Variants in RFC3 observed in about 807,000 individuals in gnomAD.
The protein encoded by RFC3 is replication factor C subunit 3.
RFC3 carries 41 observed loss-of-function variants against 45.1 expected under a neutral mutation model. That is an observed-to-expected ratio of 0.91 (90% CI 0.71 to 1.18). The LOEUF is 1.18. Ranked by LOEUF, RFC3 falls within the 50% of genes most tolerant of loss-of-function variation. The pLI is 0.00. For missense variants in RFC3, 423 were observed against 428.1 expected, an observed-to-expected ratio of 0.99 and a Z score of 0.10; for synonymous variants, 149 against 144.0, an observed-to-expected ratio of 1.03 and a Z score of -0.25.
chr13:33,949,087 C>T (rs1182592661), intron 8 of RFC3, among the ~76,000 whole-genome samples: 3 of 152,074 alleles, frequency 2.0e-5, no homozygotes, highest in South Asian at 2.1e-4. Context: ...CTCTGTGTCC[C>T]CATCCAAATC....
intron 8 of RFC3, among the ~76,000 whole-genome samples, chr13:33,936,835 G>A (rs1331279249): frequency 1.3e-5 from 2 of 152,130 alleles, no homozygotes; most frequent in East Asian, 1.9e-4. Flanking sequence ...ATGAATACAG[G>A]TGCTAGAGGA....
At chr13:33,868,720 A>C (rs971135688) in intron 8 of RFC3, among the ~76,000 whole-genome samples, 1 of 152,180 alleles carries the variant, frequency 6.6e-6, no homozygotes, top group East Asian at 1.9e-4. Context: ...CACTCTGTGG[A>C]GTGTACGGGA....
At chr13:33,972,975 A>C in the RFC3 span, among the ~76,000 whole-genome samples, 1 of 152,210 alleles carries the variant, frequency 6.6e-6, no homozygotes, top group Non-Finnish European at 1.5e-5. Flanking sequence ...GATACTAAGA[A>C]TAAATTTACT....
At chr13:33,854,228 A>T (rs111611564) in intron 8 of RFC3, among the ~76,000 whole-genome samples, 1 of 152,154 alleles carries the variant, frequency 6.6e-6, no homozygotes, top group African/African-American at 2.4e-5. Flanking sequence ...CTTCTCTCTT[A>T]CTATGGTAGA....
At chr13:33,977,136 G>A in the RFC3 span, among the ~76,000 whole-genome samples, 1 of 152,152 alleles carries the variant, frequency 6.6e-6, no homozygotes, top group Non-Finnish European at 1.5e-5. Context: ...AACAATGAAA[G>A]TCTGAGAAAC....
chr13:33,858,032 A>G (rs1330508011), intron 8 of RFC3, among the ~76,000 whole-genome samples: 2 of 152,204 alleles, frequency 1.3e-5, no homozygotes, highest in Non-Finnish European at 2.9e-5. Flanking sequence ...TGTTTTATCA[A>G]GATACTAACA....
In RFC3 at chr13:33,915,932, G is replaced by T. The variant is rs116353131; in HGVS notation, c.880-50155G>T. Among the ~76,000 whole-genome samples the T allele has an allele frequency of 2.1e-3, 320 of 152,134 alleles. 4 individuals are homozygous for T. The highest frequency in any genetic ancestry group is 6.3e-3 in the African/African-American group (262 of 41,520). On this transcript the variant is annotated intron_variant, in intron 8 of 8. Transcript: ENST00000434425. Reference sequence around the variant, plus strand: ...TCACGCCTCAGCCTCCCAAGTAGTTGGGACTATAGGCGCACTCCACCACAC... The same window carrying T: ...TCACGCCTCAGCCTCCCAAGTAGTTTGGACTATAGGCGCACTCCACCACAC...
chr13:33,838,076 C>T (rs1321760853), downstream of RFC3, among the ~76,000 whole-genome samples: 1 of 152,028 alleles, frequency 6.6e-6, no homozygotes, highest in Non-Finnish European at 1.5e-5. Context: ...ATTGAAATCT[C>T]CCTCCATAAT....
intron 8 of RFC3, among the ~76,000 whole-genome samples, chr13:33,965,158 C>T (rs1395781625): frequency 6.6e-6 from 1 of 152,142 alleles, no homozygotes; most frequent in Non-Finnish European, 1.5e-5. Context: ...TCAGGAAACT[C>T]AGAGAAGCAG....
intron 8 of RFC3, among the ~76,000 whole-genome samples, chr13:33,925,375 T>C (rs1008802192): frequency 8.2e-6 from 1 of 121,362 alleles, no homozygotes; most frequent in Non-Finnish European, 1.6e-5. Context: ...TATACATACA[T>C]ATAGTGTACT....
chr13:33,880,301 C>T (rs1317088089), intron 8 of RFC3, among the ~76,000 whole-genome samples: 1 of 152,058 alleles, frequency 6.6e-6, no homozygotes, highest in East Asian at 1.9e-4. Flanking sequence ...TGTAATTGTG[C>T]TGAAAAGTAA....
At chr13:33,955,418 T>A (rs1458521030) in intron 8 of RFC3, among the ~76,000 whole-genome samples, 1 of 152,198 alleles carries the variant, frequency 6.6e-6, no homozygotes, top group African/African-American at 2.4e-5. Context: ...AAAAATTTGC[T>A]ACAGTGCAAC....
chr13:33,821,346 C>T (rs941268701), intron 2 of RFC3, 77 bp downstream of exon 2: 23 of 1,376,914 alleles, frequency 1.7e-5, no homozygotes, highest in Non-Finnish European at 2.2e-5. Flanking sequence ...GTCCCCCCAA[C>T]TCAGTTGCTT....
intron 8 of RFC3, among the ~76,000 whole-genome samples, chr13:33,866,663 C>T (rs901809805): frequency 6.6e-6 from 1 of 152,134 alleles, no homozygotes; most frequent in Non-Finnish European, 1.5e-5. Flanking sequence ...CAAGGGGATA[C>T]TCTTTATATT....
intron 8 of RFC3, among the ~76,000 whole-genome samples, chr13:33,906,626 G>T (rs2082673555): frequency 1.3e-5 from 2 of 151,900 alleles, no homozygotes; most frequent in African/African-American, 4.8e-5. Flanking sequence ...TGGTTCACTT[G>T]TGATCTTTAT....
the RFC3 span, among the ~76,000 whole-genome samples, chr13:33,974,767 C>G: frequency 3.2e-4 from 49 of 152,226 alleles, no homozygotes; most frequent in African/African-American, 1.1e-3. Context: ...GCCAAATAAA[C>G]ATATAAAAAG....
chr13:33,862,480 A>G (rs2082347351), intron 8 of RFC3, among the ~76,000 whole-genome samples: 1 of 152,110 alleles, frequency 6.6e-6, no homozygotes, highest in Non-Finnish European at 1.5e-5. Flanking sequence ...AGACTTATTC[A>G]TCTATTTTCT....
chr13:33,894,224 A>G (rs2082582401), intron 8 of RFC3, among the ~76,000 whole-genome samples: 1 of 152,152 alleles, frequency 6.6e-6, no homozygotes, highest in Non-Finnish European at 1.5e-5. Flanking sequence ...ATAGACCTCC[A>G]CTGGGTAGCC....
chr13:33,904,630 G>A (rs2082661055), intron 8 of RFC3, among the ~76,000 whole-genome samples: 1 of 152,024 alleles, frequency 6.6e-6, no homozygotes, highest in Non-Finnish European at 1.5e-5. Flanking sequence ...TGGACCAGAT[G>A]GCTCTGAAAG....
Sources: gnomAD v4.1 joint callset for allele counts (sites outside exome capture counted in the v4.1 genomes callset) on GRCh38, gnomAD v4.1.1 for gene constraint, MANE v1.5 for transcripts, NCBI Gene and HGNC (gene_info 2026-07-23, HGNC 2026-07-21) for gene names.